Variants in STAB2 observed in about 807,000 individuals in gnomAD.
The protein encoded by STAB2 is stabilin-2.
A neutral mutation model predicts 338.1 loss-of-function variants in STAB2; 288 were observed. The ratio of observed to expected loss-of-function variants is 0.85; its 90% CI spans 0.77 to 0.94. The LOEUF is 0.94. Among genes scored for constraint, STAB2 ranks in the 40% least tolerant of loss-of-function variants. The probability of loss-of-function intolerance (pLI) is 0.00; values close to 1 mark genes in which losing one functional copy is unlikely to be tolerated. For synonymous variants in STAB2, 1,202 were observed against 1,193.3 expected (o/e 1.01, Z -0.15); for missense variants, 3,141 against 3,210.1 (o/e 0.98, Z 0.52).
intron 3 of STAB2, among the ~76,000 whole-genome samples, chr12:103,595,105 C>T (rs1430735421): frequency 6.6e-6 from 1 of 152,146 alleles, no homozygotes; most frequent in African/African-American, 2.4e-5. Context: ...AGTTAGATTT[C>T]TGCAATCAAG....
At chr12:103,746,209 C>T (rs1431074361) in intron 57 of STAB2, 4 of 180,892 alleles carry the variant, frequency 2.2e-5, no homozygotes, top group East Asian at 1.5e-4. Flanking sequence ...CTCAGTGGTG[C>T]CCTCAGAAGG....
chr12:103,645,496 T>A (rs1052718714), intron 9 of STAB2, among the ~76,000 whole-genome samples: 2 of 152,232 alleles, frequency 1.3e-5, no homozygotes, highest in African/African-American at 4.8e-5. Flanking sequence ...ACTCAGTGGT[T>A]TGTAAAGGTT....
At chr12:103,642,195 C>T (rs1454865964) in intron 9 of STAB2, among the ~76,000 whole-genome samples, 5 of 152,210 alleles carry the variant, frequency 3.3e-5, no homozygotes, top group Non-Finnish European at 7.3e-5. Flanking sequence ...CTTTTAAACG[C>T]TAAGCTCCAT....
At position 103,690,463 on chromosome 12, in the gene STAB2, G is replaced by A. The variant is rs1369892904; in HGVS notation, c.3222G>A (p.Leu1074=). The A allele has an allele frequency of 3.1e-6, 5 of 1,614,070 alleles. No homozygotes were observed. Among genetic ancestry groups the A allele is most frequent in the Middle Eastern group, 1.7e-4 (1 of 6,056 alleles). Residue 1074 remains leucine, a synonymous_variant, in exon 30 of 69, where the codon CTG becomes CTA. Transcript: ENST00000388887. The part of the protein sequence containing the change: ...MLLGTYRVAD[L]QTLSSSDMLA... ...TAGGCACATACAGAGTGGCAGATCT[G>A]CAGACCCTGTCTTCTTCTGACATGT...
At chr12:103,750,845 C>A in intron 60 of STAB2, 125 bp downstream of exon 60, 1 of 1,294,374 alleles carries the variant, frequency 7.7e-7, no homozygotes, top group Non-Finnish European at 1.0e-6. Context: ...AATCCCAATA[C>A]TTTGGGAGGC....
chr12:103,618,603 G>A (rs1957247735), intron 3 of STAB2, among the ~76,000 whole-genome samples: 1 of 152,198 alleles, frequency 6.6e-6, no homozygotes, highest in African/African-American at 2.4e-5. Flanking sequence ...GGGGATGAGA[G>A]GGAAGGGACA....
chr12:103,707,415 CAA>C (rs1323708488), intron 38 of STAB2, among the ~76,000 whole-genome samples: 1 of 152,182 alleles, frequency 6.6e-6, no homozygotes, highest in East Asian at 1.9e-4. Flanking sequence ...GGTAGTAAGG[CAA>C]AGAGGTTGAA....
At position 103,640,177 on chromosome 12, in the gene STAB2, A is replaced by G. The variant is rs1378891564; in HGVS notation, c.961A>G (p.Ser321Gly). The change falls in exon 9 of 69, where the codon AGT becomes GGT. Residue 321 changes from serine to glycine, a missense_variant. Coordinates refer to ENST00000388887, the MANE Select transcript of STAB2 (RefSeq NM_017564.10). ...YQNFVPGVGC[S>G]MTDICKSDNP... ...GAATTTCGTACCTGGAGTGGGGTGC[A>G]GTATGACTGATATATGTAAATCAGA... 6.2e-7 allele frequency: 1 copy of G among 1,613,832 alleles called. No individual in the cohort carries two copies. Among genetic ancestry groups the G allele is most frequent in the Admixed American group, 1.7e-5 (1 of 60,000 alleles).
At chr12:103,623,461 T>C (rs1957334817) in intron 5 of STAB2, among the ~76,000 whole-genome samples, 1 of 151,968 alleles carries the variant, frequency 6.6e-6, no homozygotes, top group Non-Finnish European at 1.5e-5. Flanking sequence ...CAGGGGTCCT[T>C]AAGGATGGAG....
intron 44 of STAB2, 101 bp from the exon 45 acceptor site, chr12:103,724,874 C>G: frequency 6.4e-7 from 1 of 1,555,464 alleles, no homozygotes; most frequent in Non-Finnish European, 8.7e-7. Flanking sequence ...GAGAGTGAGA[C>G]AAAAAATGAA....
At position 103,662,943 on chromosome 12, in the gene STAB2, C is replaced by A. The variant is rs756477965; in HGVS notation, c.1967C>A (p.Ser656Tyr). 6.2e-7 allele frequency: 1 copy of A among 1,614,202 alleles called. No homozygotes were observed. The highest frequency in any genetic ancestry group is 8.5e-7 in the Non-Finnish European group (1 of 1,180,040). Residue 656 changes from serine to tyrosine, a missense_variant, in exon 18 of 69, where the codon TCC (serine) becomes TAC (tyrosine). Physicochemically the swap from Ser to Tyr is moderately radical, Grantham distance 144. Coordinates refer to ENST00000388887, the MANE Select transcript of STAB2 (RefSeq NM_017564.10). ...YTLTGVLIPP[S>Y]IVPILPHRCD... ...CTGACAGGAGTTCTCATTCCTCCCT[C>A]CATTGTCCCGATTCTGCCCCATCGA... is the stretch of plus-strand genomic sequence containing the variant.
intron 65 of STAB2, 127 bp downstream of exon 65, chr12:103,759,400 C>T (rs542651008): frequency 3.5e-4 from 471 of 1,345,918 alleles, no homozygotes; most frequent in Non-Finnish European, 4.5e-4. Flanking sequence ...AGATAGGGGA[C>T]GGTGTTAACT....
At chr12:103,608,159 A>G (rs1957062674) in intron 3 of STAB2, among the ~76,000 whole-genome samples, 1 of 152,094 alleles carries the variant, frequency 6.6e-6, no homozygotes. Flanking sequence ...AGTGATGATG[A>G]GCAGAGCCTC....
intron 34 of STAB2, among the ~76,000 whole-genome samples, chr12:103,701,333 G>T (rs950514134): frequency 1.3e-5 from 2 of 152,116 alleles, no homozygotes; most frequent in African/African-American, 2.4e-5. Flanking sequence ...TATGTCTTTA[G>T]AGCAGCATGA....
chr12:103,703,111 T>G, intron 34 of STAB2, 37 bp from the exon 35 acceptor site: 1 of 1,599,500 alleles, frequency 6.3e-7, no homozygotes, highest in Non-Finnish European at 8.5e-7. Context: ...TCTCTTTAAA[T>G]GTCATAAAAA....
chr12:103,689,601 T>C (rs548694602), intron 28 of STAB2, among the ~76,000 whole-genome samples: 2 of 152,328 alleles, frequency 1.3e-5, no homozygotes, highest in Non-Finnish European at 2.9e-5. Context: ...AAAGGACTTA[T>C]AATGACTGAA....
chr12:103,746,920 A>G (rs1038592597), intron 58 of STAB2, among the ~76,000 whole-genome samples: 2 of 146,570 alleles, frequency 1.4e-5, no homozygotes, highest in African/African-American at 5.0e-5. Context: ...GCAAACTGGG[A>G]TGCACTTTAC....
intron 64 of STAB2, 127 bp downstream of exon 64, chr12:103,758,416 A>G (rs1474743598): frequency 3.1e-5 from 46 of 1,472,396 alleles, no homozygotes; most frequent in Non-Finnish European, 4.0e-5. Context: ...TCATCTGCAG[A>G]TCAGTTGGCC....
chr12:103,682,496 C>T (rs1051822874), intron 25 of STAB2, among the ~76,000 whole-genome samples: 2 of 152,192 alleles, frequency 1.3e-5, no homozygotes, highest in African/African-American at 4.8e-5. Flanking sequence ...GAACAAAGTG[C>T]CTTACAGGCT....
Sources: gnomAD v4.1 joint callset for allele counts (sites outside exome capture counted in the v4.1 genomes callset) on GRCh38, gnomAD v4.1.1 for gene constraint, MANE v1.5 for transcripts, NCBI Gene and HGNC (gene_info 2026-07-23, HGNC 2026-07-21) for gene names.